The following MDM1 variants were observed in gnomAD, a reference collection of about 807,000 sequenced individuals.
MDM1 encodes Mdm1 nuclear protein.
Under a neutral mutation model 89.1 loss-of-function variants are expected in MDM1, and 61 were observed. The ratio of observed to expected loss-of-function variants is 0.68; its 90% CI spans 0.56 to 0.85. The LOEUF (loss-of-function observed/expected upper bound fraction) is 0.85, where lower values mean the gene tolerates loss of function less well. Among genes scored for constraint, MDM1 ranks in the 40% least tolerant of loss-of-function variants. The pLI is 0.00. For missense variants in MDM1, 820 were observed against 846.5 expected (o/e 0.97, Z 0.39); for synonymous variants, 290 against 294.1 (o/e 0.99, Z 0.14).
At chr12:68,312,842 T>C (rs1873879603) in intron 12 of MDM1, among the ~76,000 whole-genome samples, 1 of 152,076 alleles carries the variant, frequency 6.6e-6, no homozygotes, top group African/African-American at 2.4e-5. Flanking sequence ...AGGTACCCCC[T>C]TCACCTGAGG....
intron 12 of MDM1, among the ~76,000 whole-genome samples, chr12:68,308,913 C>T (rs1873304282): frequency 6.6e-6 from 1 of 152,166 alleles, no homozygotes; most frequent in Non-Finnish European, 1.5e-5. Context: ...TCAACCTTAA[C>T]ATTGTTCCCC....
chr12:68,300,735 G>T (rs1397562309), intron 13 of MDM1, among the ~76,000 whole-genome samples: 33 of 152,180 alleles, frequency 2.2e-4, no homozygotes, highest in Non-Finnish European at 2.9e-5. Flanking sequence ...ATACTCCACT[G>T]ACAGCACTAG....
intron 2 of MDM1, 150 bp from the exon 3 acceptor site, chr12:68,327,171 G>A (rs1488316802): frequency 1.4e-6 from 2 of 1,389,882 alleles, no homozygotes; most frequent in Admixed American, 3.0e-5. Context: ...CAGATTATAG[G>A]ATTTTAAAAG....
At chr12:68,307,726 C>A in intron 12 of MDM1, among the ~76,000 whole-genome samples, 1 of 151,796 alleles carries the variant, frequency 6.6e-6, no homozygotes. Context: ...TCACTTGAGG[C>A]CAGGAGTTCA....
At chr12:68,316,384 T>G in intron 8 of MDM1, 131 bp from the exon 9 acceptor site, 2 of 1,047,734 alleles carry the variant, frequency 1.9e-6, no homozygotes, top group Non-Finnish European at 2.7e-6. Context: ...ATTAGCCACA[T>G]ACAGTCATCA....
At chr12:68,318,684 T>C (rs894741877) in intron 7 of MDM1, among the ~76,000 whole-genome samples, 2 of 152,176 alleles carry the variant, frequency 1.3e-5, no homozygotes, top group East Asian at 1.9e-4. Flanking sequence ...ACAATCCCTA[T>C]AGCCAACTGC....
chr12:68,296,765 A>G (rs1420762800), intron 14 of MDM1, among the ~76,000 whole-genome samples, 158 bp downstream of exon 14: 2 of 152,312 alleles, frequency 1.3e-5, no homozygotes, highest in East Asian at 3.9e-4. Flanking sequence ...ACTCATTTGT[A>G]AATGGGGGTA....
chr12:68,332,298 T>A lies in MDM1; in HGVS notation c.-53A>T. 1 of 1,545,478 alleles carries A rather than the reference T, an allele frequency of 6.5e-7. No homozygotes were observed. The highest frequency in any genetic ancestry group is 1.2e-5 in the South Asian group (1 of 82,538). On this transcript the variant is annotated 5_prime_UTR_variant, in exon 1 of 15. Coordinates refer to ENST00000682720, the MANE Select transcript of MDM1 (RefSeq NM_001354969.2). ...TCCGACAGTTAACTGGAGAAAAAGC[T>A]CCGAGGGGGCGGGGCGATAACAGTG...
At chr12:68,320,652 G>A (rs1425336182) in intron 7 of MDM1, among the ~76,000 whole-genome samples, 1 of 152,160 alleles carries the variant, frequency 6.6e-6, no homozygotes, top group African/African-American at 2.4e-5. Flanking sequence ...GGGGGAAGTG[G>A]GATGTTTACT....
chr12:68,328,979 GT>G (rs1876403459), intron 2 of MDM1, among the ~76,000 whole-genome samples: 1 of 152,046 alleles, frequency 6.6e-6, no homozygotes, highest in Non-Finnish European at 1.5e-5. Flanking sequence ...TGCTCTCATG[GT>G]CTCATTTCAT....
intron 13 of MDM1, among the ~76,000 whole-genome samples, chr12:68,297,912 A>G (rs1340798312): frequency 6.6e-6 from 1 of 152,204 alleles, no homozygotes; most frequent in Admixed American, 6.5e-5. Flanking sequence ...CGGCATGTGG[A>G]GAGTCAAAGA....
intron 12 of MDM1, among the ~76,000 whole-genome samples, chr12:68,304,414 A>G (rs1015932322): frequency 9.9e-5 from 15 of 152,134 alleles, no homozygotes; most frequent in Non-Finnish European, 1.8e-4. Flanking sequence ...CTTAGATATC[A>G]TTTTCTGTGA....
intron 12 of MDM1, among the ~76,000 whole-genome samples, chr12:68,313,145 C>A (rs1018176412): frequency 6.6e-6 from 1 of 152,184 alleles, no homozygotes; most frequent in Admixed American, 6.5e-5. Flanking sequence ...GCACTTAAAA[C>A]AATGCCTGGA....
intron 12 of MDM1, among the ~76,000 whole-genome samples, chr12:68,312,430 A>G (rs1282258175): frequency 6.6e-6 from 1 of 152,124 alleles, no homozygotes; most frequent in African/African-American, 2.4e-5. Flanking sequence ...TCCATCAGCA[A>G]ATCTTGTTGG....
At chr12:68,331,294 A>G in intron 1 of MDM1, 73 bp from the exon 2 acceptor site, 1 of 897,630 alleles carries the variant, frequency 1.1e-6, no homozygotes, top group South Asian at 1.4e-5. Flanking sequence ...TCGGTGAAAA[A>G]TAATTTCTGA....
At chr12:68,304,223 AC>A (rs1487485417) in intron 12 of MDM1, among the ~76,000 whole-genome samples, 2 of 152,208 alleles carry the variant, frequency 1.3e-5, no homozygotes, top group Non-Finnish European at 2.9e-5. Context: ...AGCCTGGTCA[AC>A]ACGGCGAGAC....
intron 3 of MDM1, 197 bp from the exon 4 acceptor site, chr12:68,325,772 G>C: frequency 8.3e-7 from 1 of 1,202,628 alleles, no homozygotes; most frequent in Admixed American, 4.4e-5. Context: ...TTTTTCAAGT[G>C]TCAAACTATT....
chr12:68,297,374 T>C (rs1253592233), intron 13 of MDM1, among the ~76,000 whole-genome samples: 2 of 152,098 alleles, frequency 1.3e-5, no homozygotes, highest in Non-Finnish European at 2.9e-5. Flanking sequence ...TGGGAGCAAA[T>C]AAGACAGCAA....
In MDM1 at chr12:68,307,263, G is replaced by GTT. The variant is rs1394217511; in HGVS notation, c.1750-4393_1750-4392dup. On this transcript the variant is annotated intron_variant, in intron 12 of 14. Coordinates refer to ENST00000682720, the MANE Select transcript of MDM1 (RefSeq NM_001354969.2). ...ACAATGTTCACTATTTGGGTGATGG[G>GTT]TTCAATAGAAGCCCAAACCCCAGCA... Among the ~76,000 whole-genome samples the GTT allele has an allele frequency of 3.9e-5, 6 of 152,130 alleles. No homozygotes were observed. The South Asian group carries it at 1.2e-3, about 32-fold the overall frequency.
Sources: gnomAD v4.1 joint callset for allele counts (sites outside exome capture counted in the v4.1 genomes callset) on GRCh38, gnomAD v4.1.1 for gene constraint, MANE v1.5 for transcripts, NCBI Gene and HGNC (gene_info 2026-07-23, HGNC 2026-07-21) for gene names.